Variants in LRCH1 observed in about 807,000 individuals in gnomAD.
LRCH1 encodes leucine rich repeats and calponin homology domain containing 1.
Under a neutral mutation model 94.9 loss-of-function variants are expected in LRCH1, and 23 were observed. The ratio of observed to expected loss-of-function variants is 0.24; its 90% confidence interval spans 0.17 to 0.34. The LOEUF is 0.34. LRCH1 is among the 10% of genes least tolerant of loss of function. The pLI, the probability that LRCH1 is intolerant of heterozygous loss-of-function variation, is 1.00. For missense variants in LRCH1, 790 were observed against 945.9 expected, an observed-to-expected ratio of 0.84 and a Z score of 2.16; for synonymous variants, 364 against 354.9, an observed-to-expected ratio of 1.03 and a Z score of -0.29.
chr13:46,730,387 T>C (rs767321189), intron 18 of LRCH1, among the ~76,000 whole-genome samples: 12 of 152,118 alleles, frequency 7.9e-5, no homozygotes, highest in African/African-American at 1.4e-4. Flanking sequence ...AAAAGTGCAA[T>C]GTTCATAAAA....
intron 2 of LRCH1, among the ~76,000 whole-genome samples, chr13:46,664,910 T>C (rs1440917575): frequency 1.3e-5 from 2 of 152,170 alleles, no homozygotes; most frequent in African/African-American, 4.8e-5. Flanking sequence ...TCACAACAGG[T>C]GGCCTTTCTC....
intron 1 of LRCH1, among the ~76,000 whole-genome samples, chr13:46,595,096 T>G (rs959147183): frequency 4.6e-5 from 7 of 152,218 alleles, no homozygotes; most frequent in Admixed American, 2.6e-4. Flanking sequence ...CTTTTTGCCC[T>G]GGTCACTTTA....
intron 1 of LRCH1, among the ~76,000 whole-genome samples, chr13:46,558,863 T>C (rs983746405): frequency 2.6e-5 from 4 of 152,222 alleles, no homozygotes; most frequent in Admixed American, 2.6e-4. Flanking sequence ...GAGTAAAGGC[T>C]ACAGGGCTCT....
intron 1 of LRCH1, among the ~76,000 whole-genome samples, chr13:46,620,574 G>A (rs930454714): frequency 1.3e-5 from 2 of 152,144 alleles, no homozygotes; most frequent in Admixed American, 1.3e-4. Context: ...AAAACTTCTG[G>A]TTAGGTCATT....
At chr13:46,591,752 A>G (rs753869686) in intron 1 of LRCH1, among the ~76,000 whole-genome samples, 1 of 152,248 alleles carries the variant, frequency 6.6e-6, no homozygotes, top group Non-Finnish European at 1.5e-5. Context: ...TTTGAAACCA[A>G]TAATGGTGTT....
At chr13:46,623,693 G>GTTTTTTTTTTTTT (rs5803361) in intron 1 of LRCH1, among the ~76,000 whole-genome samples, 79 of 128,398 alleles carry the variant, frequency 6.2e-4, no homozygotes, top group Non-Finnish European at 8.2e-4. Context: ...CCCTGTCTCT[G>GTTTTTTTTTTTTT]TTTTTTTTTT....
intron 4 of LRCH1, 90 bp downstream of exon 4, chr13:46,681,936 T>TTGCGTGTGTG: frequency 1.9e-6 from 1 of 523,206 alleles, no homozygotes; most frequent in Non-Finnish European, 3.4e-6. Context: ...GGGTCGATCT[T>TTGCGTGTGTG]TGTGTGTGTG....
At chr13:46,574,065 C>T (rs1045353222) in intron 1 of LRCH1, among the ~76,000 whole-genome samples, 11 of 150,994 alleles carry the variant, frequency 7.3e-5, no homozygotes, top group Non-Finnish European at 5.9e-5. Flanking sequence ...AGGCTGGTCT[C>T]GAACTCCTGA....
chr13:46,626,257 C>T (rs1310011514), intron 1 of LRCH1, among the ~76,000 whole-genome samples: 1 of 152,156 alleles, frequency 6.6e-6, no homozygotes, highest in Non-Finnish European at 1.5e-5. Flanking sequence ...GGTTGTATTA[C>T]ACTATTAATG....
At chr13:46,560,554 G>A (rs1250362913) in intron 1 of LRCH1, among the ~76,000 whole-genome samples, 1 of 152,150 alleles carries the variant, frequency 6.6e-6, no homozygotes, top group Non-Finnish European at 1.5e-5. Flanking sequence ...TTATAAACGT[G>A]TTAAGGATGG....
At chr13:46,700,023 G>A (rs1169123708) in intron 10 of LRCH1, among the ~76,000 whole-genome samples, 2 of 152,110 alleles carry the variant, frequency 1.3e-5, no homozygotes, top group Non-Finnish European at 2.9e-5. Context: ...TTGAACCCAA[G>A]GAATCTTGTA....
chr13:46,572,336 T>C (rs1374929885), intron 1 of LRCH1, among the ~76,000 whole-genome samples: 1 of 152,252 alleles, frequency 6.6e-6, no homozygotes, highest in African/African-American at 2.4e-5. Context: ...ATCGTCTTAT[T>C]TGAGCCATCC....
chr13:46,581,875 T>G (rs1352629278), intron 1 of LRCH1, among the ~76,000 whole-genome samples: 1 of 152,150 alleles, frequency 6.6e-6, no homozygotes, highest in Admixed American at 6.5e-5. Flanking sequence ...TAAAAGAGAC[T>G]TTTGGAAATT....
At chr13:46,560,199 C>T (rs2050115575) in intron 1 of LRCH1, among the ~76,000 whole-genome samples, 1 of 140,884 alleles carries the variant, frequency 7.1e-6, no homozygotes, top group Non-Finnish European at 1.6e-5. Context: ...TAATGTCTCC[C>T]CATAATTTCC....
At chr13:46,677,610 A>G (rs766854408) in intron 3 of LRCH1, among the ~76,000 whole-genome samples, 6 of 152,154 alleles carry the variant, frequency 3.9e-5, no homozygotes, top group Non-Finnish European at 5.9e-5. Flanking sequence ...AAACTCCAAC[A>G]TGGTTTTAAT....
chr13:46,660,812 G>C (rs1566207097), intron 2 of LRCH1, among the ~76,000 whole-genome samples: 1 of 152,004 alleles, frequency 6.6e-6, no homozygotes, highest in Admixed American at 6.6e-5. Flanking sequence ...TTATCCCTTT[G>C]ACTCAGTTGA....
intron 2 of LRCH1, among the ~76,000 whole-genome samples, chr13:46,650,871 A>C (rs546898750): frequency 2.4e-4 from 36 of 152,320 alleles, no homozygotes; most frequent in African/African-American, 8.2e-4. Context: ...AGCCAGATAC[A>C]AAGTTTGCTA....
In LRCH1 at chr13:46,742,708, A is replaced by ATAGT. The variant is rs1873729406; in HGVS notation, c.*861_*864dup. 1.0e-6 allele frequency: 1 copy of ATAGT among 985,294 alleles called. No homozygotes were observed. The highest frequency in any genetic ancestry group is 4.7e-5 in the South Asian group (1 of 21,284). The allele number at this position is 985,294 out of a possible 1,614,324, so 61.0% of individuals were successfully genotyped here. On this transcript the variant is annotated 3_prime_UTR_variant, in exon 20 of 20. Transcript: ENST00000389797. ...GATCACTGCTTTTTTGCCACATCAC[A>ATAGT]TAGTAACTGCCGGTCCAGAATGTGA... is the stretch of plus-strand genomic sequence containing the variant.
intron 1 of LRCH1, among the ~76,000 whole-genome samples, chr13:46,625,774 C>T (rs1329126910): frequency 6.6e-6 from 1 of 152,076 alleles, no homozygotes; most frequent in Non-Finnish European, 1.5e-5. Context: ...CCACCTCAGC[C>T]TCCCAGGTAG....
Sources: allele counts gnomAD v4.1 joint callset (sites outside exome capture counted in the v4.1 genomes callset), GRCh38; gene constraint gnomAD v4.1.1; transcripts MANE v1.5; gene names NCBI Gene and HGNC (gene_info 2026-07-23, HGNC 2026-07-21).